NALF1: variants seen among roughly 807,000 people sequenced by gnomAD.
NALF1 encodes NALCN channel auxiliary factor 1.
A neutral mutation model predicts 48.4 loss-of-function variants in NALF1; 3 were observed. The ratio of observed to expected loss-of-function variants is 0.06; its 90% CI spans 0.03 to 0.16. The LOEUF (loss-of-function observed/expected upper bound fraction) is 0.16. Among genes scored for constraint, NALF1 ranks in the 10% least tolerant of loss-of-function variants. The pLI is 1.00. For synonymous variants in NALF1, 262 were observed against 245.7 expected, an observed-to-expected ratio of 1.07 and a Z score of -0.62; for missense variants, 526 against 571.5, an observed-to-expected ratio of 0.92 and a Z score of 0.81.
chr13:107,205,684 T>C (rs1879625715), intron 2 of NALF1, among the ~76,000 whole-genome samples: 1 of 152,228 alleles, frequency 6.6e-6, no homozygotes, highest in Admixed American at 6.5e-5. Context: ...ATCTCCATTG[T>C]CAGTAACCCC....
At chr13:107,607,924 G>A (rs762473914) in intron 1 of NALF1, among the ~76,000 whole-genome samples, 1 of 152,164 alleles carries the variant, frequency 6.6e-6, no homozygotes, top group Non-Finnish European at 1.5e-5. Flanking sequence ...TTCCTCTACA[G>A]AAGGATGAGC....
intron 1 of NALF1, among the ~76,000 whole-genome samples, chr13:107,502,294 C>G (rs1875550196): frequency 6.6e-6 from 1 of 152,074 alleles, no homozygotes; most frequent in African/African-American, 2.4e-5. Flanking sequence ...TCTGGGCCCC[C>G]CTCCATCCCT....
chr13:107,396,457 T>C (rs1437504872), intron 1 of NALF1, among the ~76,000 whole-genome samples: 4 of 152,176 alleles, frequency 2.6e-5, no homozygotes, highest in African/African-American at 7.2e-5. Context: ...CAAGAACATA[T>C]ACAGTGAAAG....
chr13:107,492,464 C>T (rs1025860739), intron 1 of NALF1, among the ~76,000 whole-genome samples: 7 of 152,080 alleles, frequency 4.6e-5, no homozygotes, highest in Non-Finnish European at 8.8e-5. Flanking sequence ...CATATTCTTT[C>T]CCGCACCACA....
rs578087536 is a variant in NALF1, at chr13:107,646,417, G to A, written c.915+219265C>T. Among the ~76,000 whole-genome samples, 10 of 151,892 alleles carry A rather than the reference G, an allele frequency of 6.6e-5. No individual in the cohort carries two copies. In the East Asian group the frequency reaches 1.2e-3, roughly 18 times the overall value. ...TAAAATGTCATCTGATGGGATTTTC[G>A]TCTTTTCTAAAATTGAGAAGCCACT... On this transcript the variant is annotated intron_variant, in intron 1 of 2. Coordinates refer to ENST00000375915, the MANE Select transcript of NALF1 (RefSeq NM_001080396.3).
At chr13:107,354,748 C>A (rs1229103283) in intron 1 of NALF1, among the ~76,000 whole-genome samples, 1 of 152,116 alleles carries the variant, frequency 6.6e-6, no homozygotes, top group Non-Finnish European at 1.5e-5. Flanking sequence ...GTAGTCCCTT[C>A]CTAAGGCCTT....
intron 1 of NALF1, among the ~76,000 whole-genome samples, chr13:107,384,563 C>T (rs763639376): frequency 6.6e-6 from 1 of 151,932 alleles, no homozygotes; most frequent in African/African-American, 2.4e-5. Context: ...AAAATAAAAT[C>T]ATATTTCTTA....
intron 1 of NALF1, among the ~76,000 whole-genome samples, chr13:107,435,404 A>G (rs1884448094): frequency 6.6e-6 from 1 of 152,096 alleles, no homozygotes; most frequent in Non-Finnish European, 1.5e-5. Flanking sequence ...GTTTTCCTTC[A>G]TTAAATTAAT....
chr13:107,275,708 G>A (rs1594100495), intron 1 of NALF1, among the ~76,000 whole-genome samples: 1 of 152,104 alleles, frequency 6.6e-6, no homozygotes, highest in South Asian at 2.1e-4. Flanking sequence ...TGGTCTAAGC[G>A]TGTCTCCAAC....
intron 1 of NALF1, among the ~76,000 whole-genome samples, chr13:107,412,919 G>C (rs1459930465): frequency 1.3e-5 from 2 of 152,104 alleles, no homozygotes; most frequent in African/African-American, 4.8e-5. Flanking sequence ...ATTTTGTGGA[G>C]GTAGAGTATT....
chr13:107,633,248 T>A (rs1274212837), intron 1 of NALF1, among the ~76,000 whole-genome samples: 2 of 152,064 alleles, frequency 1.3e-5, no homozygotes, highest in Non-Finnish European at 2.9e-5. Flanking sequence ...AATACATATA[T>A]AAAACACAAT....
At chr13:107,547,398 GTCTATAATAAATATCA>G (rs1462086936) in intron 1 of NALF1, among the ~76,000 whole-genome samples, 1 of 152,098 alleles carries the variant, frequency 6.6e-6, no homozygotes, top group Non-Finnish European at 1.5e-5. Flanking sequence ...GAACTTAAGA[GTCTATAATAAATATCA>G]TCTGTTGGTT....
chr13:107,700,464 G>C (rs1019265736), intron 1 of NALF1, among the ~76,000 whole-genome samples: 1 of 151,782 alleles, frequency 6.6e-6, no homozygotes, highest in African/African-American at 2.4e-5. Flanking sequence ...AATTGAAATT[G>C]GACTACCATA....
intron 1 of NALF1, among the ~76,000 whole-genome samples, chr13:107,399,639 C>T (rs1359492006): frequency 6.6e-6 from 1 of 152,050 alleles, no homozygotes; most frequent in African/African-American, 2.4e-5. Context: ...CCTTGGTTTC[C>T]CATTTCCTAA....
chr13:107,576,684 A>C (rs1878161039), intron 1 of NALF1, among the ~76,000 whole-genome samples: 1 of 152,182 alleles, frequency 6.6e-6, no homozygotes, highest in African/African-American at 2.4e-5. Context: ...GAAATTCGGT[A>C]GAATCAGCCA....
chr13:107,336,114 G>A (rs1392086257), intron 1 of NALF1, among the ~76,000 whole-genome samples: 56 of 152,082 alleles, frequency 3.7e-4, no homozygotes, highest in Non-Finnish European at 2.9e-5. Context: ...CACTTTGGGA[G>A]GCTGAGGCAG....
chr13:107,837,868 A>G (rs1276308853), intron 1 of NALF1, among the ~76,000 whole-genome samples: 4 of 152,174 alleles, frequency 2.6e-5, no homozygotes, highest in African/African-American at 9.7e-5. Flanking sequence ...CCCTGTGAGA[A>G]AGCAATCATA....
intron 1 of NALF1, among the ~76,000 whole-genome samples, chr13:107,646,056 A>G (rs1594181308): frequency 6.6e-6 from 1 of 152,210 alleles, no homozygotes; most frequent in East Asian, 1.9e-4. Context: ...GCCTCACAAA[A>G]ACGGGCTTCC....
chr13:107,363,680 T>A (rs1426148235), intron 1 of NALF1, among the ~76,000 whole-genome samples: 5 of 152,344 alleles, frequency 3.3e-5, no homozygotes, highest in African/African-American at 1.2e-4. Context: ...GGCTTGCTTA[T>A]GTTTAAGAGC....
Sources: allele counts gnomAD v4.1 joint callset (sites outside exome capture counted in the v4.1 genomes callset), GRCh38; gene constraint gnomAD v4.1.1; transcripts MANE v1.5; gene names NCBI Gene and HGNC (gene_info 2026-07-23, HGNC 2026-07-21).